Variants in RPSA observed in about 807,000 individuals in gnomAD.
RPSA encodes the protein ribosomal protein SA, also known as small ribosomal subunit protein uS2.
For missense variants in RPSA, 140 were observed against 372.8 expected, an observed-to-expected ratio of 0.38 and a Z score of 5.14; for synonymous variants, 103 against 126.7, an observed-to-expected ratio of 0.81 and a Z score of 1.25.
intron 3 of RPSA, 31 bp downstream of exon 3, chr3:39,408,755 A>G: frequency 1.8e-6 from 2 of 1,132,496 alleles, no homozygotes; most frequent in Non-Finnish European, 2.7e-6. Flanking sequence ...TTTTTATATT[A>G]TAGAAATAAA....
intron 4 of RPSA, chr3:39,411,429 T>C (rs1575258258): frequency 1.7e-6 from 1 of 588,706 alleles, no homozygotes; most frequent in East Asian, 3.0e-5. Flanking sequence ...CCCAGATATT[T>C]TTTTTAAATG....
intron 6 of RPSA, 95 bp from the exon 7 acceptor site, chr3:39,412,179 C>A: frequency 7.6e-7 from 1 of 1,321,504 alleles, no homozygotes; most frequent in Non-Finnish European, 1.1e-6. Flanking sequence ...TTCCAGTGTG[C>A]TACAGCATCT....
chr3:39,410,628 C>G, intron 3 of RPSA, 126 bp from the exon 4 acceptor site: 1 of 1,066,320 alleles, frequency 9.4e-7, no homozygotes, highest in Non-Finnish European at 1.4e-6. Flanking sequence ...TTAAGGAAAG[C>G]TGGGTATGTG....
At chr3:39,407,541 T>C (rs2041937842) in intron 1 of RPSA, 80 bp from the exon 2 acceptor site, 4 of 978,710 alleles carry the variant, frequency 4.1e-6, no homozygotes, top group Non-Finnish European at 6.5e-6. Context: ...CTATAGCAGA[T>C]GGAGTTTTTG....
chr3:39,410,547 G>C, intron 3 of RPSA: 2 of 595,028 alleles, frequency 3.4e-6, no homozygotes, highest in Non-Finnish European at 6.0e-6. Flanking sequence ...CTAGGTGCTC[G>C]GGATATATAG....
Position 39,412,424 on chromosome 3 carries a change from C to G in RPSA, c.*56C>G. 1.1e-6 allele frequency: 1 copy of G among 949,834 alleles called. No homozygotes were observed. Among genetic ancestry groups the G allele is most frequent in the Non-Finnish European group, 1.6e-6 (1 of 617,292 alleles). The allele number at this position is 949,834 out of a possible 1,614,324, so 58.8% of individuals were successfully genotyped here. A position where few individuals can be genotyped will look rare whatever the true frequency, so the allele number is the denominator to read the frequency against. ...GGAAAAATGGTTGATGGAAAATAAA[C>G]ATCAGTTTCTAAAAGTTGTCTTCAT... On this transcript the variant is annotated 3_prime_UTR_variant, in exon 7 of 7. Coordinates refer to ENST00000301821, the MANE Select transcript of RPSA (RefSeq NM_002295.6).
At chr3:39,412,192 T>C in intron 6 of RPSA, 82 bp from the exon 7 acceptor site, 2 of 1,326,080 alleles carry the variant, frequency 1.5e-6, no homozygotes, top group Non-Finnish European at 2.2e-6. Context: ...CAGCATCTGA[T>C]AGACTGCTGT....
chr3:39,409,825 A>G (rs1376467716), intron 3 of RPSA, among the ~76,000 whole-genome samples: 1 of 144,250 alleles, frequency 6.9e-6, no homozygotes, highest in Non-Finnish European at 1.6e-5. Flanking sequence ...ACAGAGTGAG[A>G]TCCTGTTTCT....
chr3:39,407,183 GACAA>G (rs61547423), intron 1 of RPSA: 3,698 of 350,890 alleles, frequency 0.011, 124 homozygotes, highest in African/African-American at 0.068. Context: ...CGGGTTTTTA[GACAA>G]ACAAGTGGTG....
At chr3:39,408,882 AGGTC>A in intron 3 of RPSA, 158 bp downstream of exon 3, 1 of 567,136 alleles carries the variant, frequency 1.8e-6, no homozygotes, top group South Asian at 2.2e-5. Context: ...GCGTATTACG[AGGTC>A]AGGAGATCCA....
chr3:39,407,320 G>C (rs2125590997), intron 1 of RPSA, among the ~76,000 whole-genome samples: 1 of 152,226 alleles, frequency 6.6e-6, no homozygotes, highest in Non-Finnish European at 1.5e-5. Context: ...TTTGTATCTA[G>C]TTGTTAACTT....
At chr3:39,410,627 G>C (rs2041992382) in intron 3 of RPSA, 127 bp from the exon 4 acceptor site, 8 of 1,060,592 alleles carry the variant, frequency 7.5e-6, no homozygotes, top group Non-Finnish European at 1.0e-5. Flanking sequence ...GTTAAGGAAA[G>C]CTGGGTATGT....
At chr3:39,410,567 A>G in intron 3 of RPSA, 187 bp from the exon 4 acceptor site, 1 of 654,554 alleles carries the variant, frequency 1.5e-6, no homozygotes. Context: ...GTAGAAAAAC[A>G]AGCCTGTCTT....
chr3:39,409,461 A>G (rs1180497974), intron 3 of RPSA, among the ~76,000 whole-genome samples: 1 of 152,182 alleles, frequency 6.6e-6, no homozygotes, highest in Non-Finnish European at 1.5e-5. Context: ...TCGGCCTCCC[A>G]AAGTGTTGGG....
intron 3 of RPSA, 103 bp downstream of exon 3, chr3:39,408,827 C>T (rs986085404): frequency 3.8e-6 from 3 of 785,512 alleles, no homozygotes; most frequent in African/African-American, 1.7e-5. Flanking sequence ...AGGCCGGGCG[C>T]GGTGGCTACG....
chr3:39,407,926 A>G (rs1294680478), intron 2 of RPSA, 140 bp downstream of exon 2: 4 of 644,836 alleles, frequency 6.2e-6, no homozygotes, highest in East Asian at 5.6e-5. Flanking sequence ...CATACTTTAA[A>G]TAAATGTTCT....
chr3:39,409,002 G>A (rs990301292), intron 3 of RPSA: 7 of 351,754 alleles, frequency 2.0e-5, no homozygotes, highest in Non-Finnish European at 3.2e-5. Flanking sequence ...GGAGAATGGC[G>A]TGAACCCGGT....
rs748324745 is a variant in RPSA, at chr3:39,407,647, T to C, written c.-7T>C. On this transcript the variant is annotated 5_prime_UTR_variant, in exon 2 of 7. Coordinates refer to ENST00000301821, the MANE Select transcript of RPSA (RefSeq NM_002295.6). ...TTCCCGTCGTAACTTAAAGGGAAAT[T>C]TTCACAATGTCCGGAGCCCTTGATG... is the stretch of plus-strand genomic sequence containing the variant. 4.4e-6 allele frequency: 7 copies of C among 1,595,516 alleles called. No individual in the cohort carries two copies. The African/African-American group carries it at 9.4e-5, about 21-fold the overall frequency.
rs1322301501 is a variant in RPSA at position 39,407,630 on chromosome 3, G to T, written c.-24G>T. The T allele has an allele frequency of 1.9e-6, 3 of 1,592,014 alleles. No homozygotes were observed. Among genetic ancestry groups the T allele is most frequent in the South Asian group, 1.1e-5 (1 of 90,946 alleles). On this transcript the variant is annotated 5_prime_UTR_variant, in exon 2 of 7. Transcript: ENST00000301821. ...TGCTCTCTTATTTCAGATTCCCGTC[G>T]TAACTTAAAGGGAAATTTTCACAAT... is the stretch of plus-strand genomic sequence containing the variant.
Sources: gnomAD v4.1 joint callset for allele counts (sites outside exome capture counted in the v4.1 genomes callset) on GRCh38, gnomAD v4.1.1 for gene constraint, MANE v1.5 for transcripts, NCBI Gene and HGNC (gene_info 2026-07-23, HGNC 2026-07-21) for gene names.